The following COX14 variants were observed in gnomAD, a reference collection of about 807,000 sequenced individuals.
COX14 encodes the protein cytochrome c oxidase assembly factor COX14.
Under a neutral mutation model 5.8 loss-of-function variants are expected in COX14, and 3 were observed. The observed-to-expected ratio is 0.51, with a 90% CI of 0.23 to 1.33. The LOEUF is 1.33. COX14 is among the 40% of genes most tolerant of loss of function. COX14 has a pLI of 0.18. For synonymous variants in COX14, 25 were observed against 26.1 expected (o/e 0.96, Z 0.13); for missense variants, 72 against 72.1 (o/e 1.00, Z 0.01).
chr12:50,120,439 A>G lies in COX14; in HGVS notation c.*222A>G, dbSNP rs1347260914. 4.0e-6 allele frequency: 2 copies of G among 500,728 alleles called. No homozygotes were observed. Among genetic ancestry groups the G allele is most frequent in the Non-Finnish European group, 7.3e-6 (2 of 272,362 alleles). 31.0% of individuals were successfully genotyped at this position (500,728 alleles called of 1,614,324 possible). ...GGTGAGGTACACCTACAGACATTAA[A>G]TAATTTGCTGTGTCTGTGTCTTGGT... On this transcript the variant is annotated 3_prime_UTR_variant, in exon 2 of 2. Transcript: ENST00000550487.
chr12:50,117,380 G>A (rs1951089856), intron 1 of COX14, among the ~76,000 whole-genome samples: 1 of 151,972 alleles, frequency 6.6e-6, no homozygotes, highest in Non-Finnish European at 1.5e-5. Context: ...CATGGTAAGG[G>A]GCGGGATTTT....
intron 1 of COX14, among the ~76,000 whole-genome samples, chr12:50,118,082 C>T (rs928068948): frequency 5.3e-4 from 79 of 149,066 alleles, no homozygotes; most frequent in African/African-American, 1.6e-3. Context: ...TCTCACTCCC[C>T]GTCATCCAGG....
intron 1 of COX14, among the ~76,000 whole-genome samples, chr12:50,114,166 C>A (rs969331955): frequency 7.2e-6 from 1 of 139,020 alleles, no homozygotes; most frequent in Non-Finnish European, 1.5e-5. Context: ...CCATCAGTGG[C>A]AGTGACTTGA....
At chr12:50,117,461 C>T (rs1424459794) in intron 1 of COX14, among the ~76,000 whole-genome samples, 2 of 152,140 alleles carry the variant, frequency 1.3e-5, no homozygotes, top group African/African-American at 4.8e-5. Context: ...AAATAGGGCC[C>T]TCTTAGGCCT....
chr12:50,119,205 T>C (rs1250617301), intron 1 of COX14, among the ~76,000 whole-genome samples: 2 of 152,222 alleles, frequency 1.3e-5, no homozygotes, highest in East Asian at 1.9e-4. Flanking sequence ...TTAAACAAGC[T>C]TTAGTGTTGA....
chr12:50,112,735 G>A (rs538425708), intron 1 of COX14: 1 of 152,428 alleles, frequency 6.6e-6, no homozygotes, highest in Non-Finnish European at 1.5e-5. Context: ...TAAAAAGACA[G>A]TTCCACTCCC....
chr12:50,120,325 A>C lies in COX14; in HGVS notation c.*108A>C. On this transcript the variant is annotated 3_prime_UTR_variant, in exon 2 of 2. Transcript: ENST00000550487. ...AGGACTAGAGCGTTGATGGTTTTCAAACCCTGTTGGAAGAAAGTGCCCATG... is the reference window on the plus strand; with the variant it reads ...AGGACTAGAGCGTTGATGGTTTTCACACCCTGTTGGAAGAAAGTGCCCATG... The C allele has an allele frequency of 1.0e-6, 1 of 956,712 alleles. No individual in the cohort carries two copies. Among genetic ancestry groups the C allele is most frequent in the Non-Finnish European group, 1.6e-6 (1 of 645,144 alleles). 59.3% of individuals were successfully genotyped at this position (956,712 alleles called of 1,614,324 possible).
At chr12:50,112,357 A>G (rs780338979) in intron 1 of COX14, 56 bp downstream of exon 1, 43 of 985,372 alleles carry the variant, frequency 4.4e-5, no homozygotes, top group South Asian at 1.9e-4. Context: ...CTGCGCGCCC[A>G]CCTGGGCCAG....
At position 50,112,260 on chromosome 12, in the gene COX14, T is replaced by A. The variant is rs1951031811; in HGVS notation, c.-50T>A. 1 of 981,108 alleles carries A rather than the reference T, an allele frequency of 1.0e-6. No individual in the cohort carries two copies. The highest frequency in any genetic ancestry group is 1.8e-5 in the African/African-American group (1 of 57,134). 60.8% of individuals were successfully genotyped at this position (981,108 alleles called of 1,614,324 possible). On this transcript the variant is annotated 5_prime_UTR_variant, in exon 1 of 2. Transcript: ENST00000550487. ...CAGTGGCCTCGAGACCCTGCCTGCC[T>A]GAGGAGGCCTCGGTTGGATGCGAAG...
intron 1 of COX14, among the ~76,000 whole-genome samples, chr12:50,114,267 G>A: frequency 1.1e-5 from 1 of 89,330 alleles, no homozygotes; most frequent in South Asian, 3.5e-4. Flanking sequence ...TTTTTTTTTT[G>A]AGGGGTGGAG....
chr12:50,113,293 C>T (rs977294371), intron 1 of COX14, among the ~76,000 whole-genome samples: 1 of 149,010 alleles, frequency 6.7e-6, no homozygotes, highest in African/African-American at 2.5e-5. Context: ...TCTACCCATA[C>T]GTTTACGCAA....
In COX14 at chr12:50,120,089, T is replaced by C; in HGVS notation, c.46T>C (p.Ser16Pro). The change falls in exon 2 of 2, where the codon TCT becomes CCT. Residue 16 changes from serine (S) to proline (P), a missense_variant. Ser to Pro is a moderately conservative substitution (Grantham distance 74, BLOSUM62 -1). Coordinates refer to ENST00000550487, the MANE Select transcript of COX14 (RefSeq NM_032901.4). ...AGCTGACATTGGCTATAAGACCTTC[T>C]CTACCTCCATGATGCTTCTCACTGT... is the stretch of plus-strand genomic sequence containing the variant. The part of the protein sequence containing the change: ...QLADIGYKTF[S>P]TSMMLLTVYG... The C allele has an allele frequency of 6.2e-7, 1 of 1,614,094 alleles. No homozygotes were observed. The highest frequency in any genetic ancestry group is 8.5e-7 in the Non-Finnish European group (1 of 1,179,926).
At chr12:50,115,752 A>G (rs1226863314) in intron 1 of COX14, among the ~76,000 whole-genome samples, 1 of 150,984 alleles carries the variant, frequency 6.6e-6, no homozygotes, top group Non-Finnish European at 1.5e-5. Context: ...GGGTTTCACC[A>G]TGTTGCCCAG....
At chr12:50,114,790 T>A (rs1305440369) in intron 1 of COX14, among the ~76,000 whole-genome samples, 6 of 134,694 alleles carry the variant, frequency 4.5e-5, no homozygotes, top group African/African-American at 1.7e-4. Flanking sequence ...TTTTTTTTTT[T>A]TTTTTTTTTT....
At chr12:50,119,930 A>G (rs1951115276) in intron 1 of COX14, 106 bp from the exon 2 acceptor site, 1 of 870,640 alleles carries the variant, frequency 1.1e-6, no homozygotes, top group Admixed American at 1.8e-5. Flanking sequence ...TATAGAGTGC[A>G]GACAGACCAA....
At chr12:50,116,299 G>A (rs1182992654) in intron 1 of COX14, among the ~76,000 whole-genome samples, 1 of 152,048 alleles carries the variant, frequency 6.6e-6, no homozygotes, top group Non-Finnish European at 1.5e-5. Flanking sequence ...TGCCATGTTG[G>A]CCAGGCTGGT....
At chr12:50,118,045 C>T (rs1194699381) in intron 1 of COX14, among the ~76,000 whole-genome samples, 10 of 96,262 alleles carry the variant, frequency 1.0e-4, no homozygotes, top group African/African-American at 5.5e-4. Context: ...ACCTGGCACC[C>T]CCCCTTTTTT....
intron 1 of COX14, among the ~76,000 whole-genome samples, chr12:50,115,385 T>A (rs1451102300): frequency 1.3e-5 from 2 of 151,560 alleles, no homozygotes; most frequent in Middle Eastern, 3.4e-3. Flanking sequence ...CGGCTAATTT[T>A]TTTGTATTTT....
At chr12:50,117,581 CTT>C (rs397850921) in intron 1 of COX14, among the ~76,000 whole-genome samples, 14 of 134,672 alleles carry the variant, frequency 1.0e-4, no homozygotes, top group Admixed American at 3.0e-4. Flanking sequence ...TTTTCTGTCT[CTT>C]TTTTTTTTTT....
Sources: gnomAD v4.1 joint callset for allele counts (sites outside exome capture counted in the v4.1 genomes callset) on GRCh38, gnomAD v4.1.1 for gene constraint, MANE v1.5 for transcripts, NCBI Gene and HGNC (gene_info 2026-07-23, HGNC 2026-07-21) for gene names.